Variants in QTMAN observed in about 807,000 individuals in gnomAD.
QTMAN encodes tRNA-queuosine alpha-mannosyltransferase.
At chr2:144,231,906 C>T in the QTMAN span, among the ~76,000 whole-genome samples, 12 of 146,066 alleles carry the variant, frequency 8.2e-5, no homozygotes, top group African/African-American at 2.5e-4. Flanking sequence ...TCTTTACTCG[C>T]TAATGTTAAC....
chr2:144,207,669 G>C, the QTMAN span, among the ~76,000 whole-genome samples: 68,413 of 151,770 alleles, frequency 0.45, 17,284 homozygotes, highest in East Asian at 0.7. Context: ...AACCACCATA[G>C]GATAGTCTTC....
the QTMAN span, among the ~76,000 whole-genome samples, chr2:144,257,642 T>C: frequency 1.3e-5 from 2 of 152,192 alleles, no homozygotes; most frequent in South Asian, 2.1e-4. Context: ...ATAACCCAAA[T>C]AGAAGTGCAA....
the QTMAN span, among the ~76,000 whole-genome samples, chr2:144,119,110 T>C: frequency 2.0e-5 from 3 of 152,134 alleles, no homozygotes; most frequent in East Asian, 1.9e-4. Context: ...AGATGAATAG[T>C]AGGAACTATG....
the QTMAN span, among the ~76,000 whole-genome samples, chr2:144,016,735 C>T: frequency 6.6e-6 from 1 of 152,026 alleles, no homozygotes; most frequent in Non-Finnish European, 1.5e-5. Flanking sequence ...AAGAATTCCC[C>T]TAGGACAGTG....
the QTMAN span, among the ~76,000 whole-genome samples, chr2:144,331,228 T>C: frequency 6.6e-6 from 1 of 152,230 alleles, no homozygotes. Context: ...AACGCACTAA[T>C]TAAAATTCAA....
the QTMAN span, among the ~76,000 whole-genome samples, chr2:144,213,469 TGAC>T: frequency 6.6e-6 from 1 of 152,218 alleles, no homozygotes; most frequent in African/African-American, 2.4e-5. Context: ...CTTTCATATA[TGAC>T]GTCAATTTAG....
At chr2:144,220,174 T>G in the QTMAN span, among the ~76,000 whole-genome samples, 1 of 152,198 alleles carries the variant, frequency 6.6e-6, no homozygotes, top group Non-Finnish European at 1.5e-5. Context: ...TAATGAGAGC[T>G]GTATCACTAT....
the QTMAN span, among the ~76,000 whole-genome samples, chr2:144,153,703 A>C: frequency 6.6e-6 from 1 of 152,180 alleles, no homozygotes. Flanking sequence ...AGAAAACAAA[A>C]ACAAAAACAA....
the QTMAN span, among the ~76,000 whole-genome samples, chr2:144,156,682 A>G: frequency 6.6e-6 from 1 of 152,084 alleles, no homozygotes; most frequent in Non-Finnish European, 1.5e-5. Context: ...AAACAAAAAC[A>G]TTGGTTTTCA....
chr2:143,961,122 T>A, the QTMAN span, among the ~76,000 whole-genome samples: 1 of 152,142 alleles, frequency 6.6e-6, no homozygotes, highest in East Asian at 1.9e-4. Flanking sequence ...GCAGCATATA[T>A]CTGATGGTTT....
the QTMAN span, among the ~76,000 whole-genome samples, chr2:144,271,271 C>T: frequency 1.3e-5 from 2 of 152,132 alleles, no homozygotes; most frequent in Non-Finnish European, 2.9e-5. Flanking sequence ...AACATGACAG[C>T]AGTCACAAGC....
At chr2:144,089,627 T>C in the QTMAN span, among the ~76,000 whole-genome samples, 1 of 151,958 alleles carries the variant, frequency 6.6e-6, no homozygotes, top group Non-Finnish European at 1.5e-5. Flanking sequence ...AAAGAATATG[T>C]CATTTGCAAC....
At chr2:144,269,474 T>C in the QTMAN span, among the ~76,000 whole-genome samples, 1 of 152,106 alleles carries the variant, frequency 6.6e-6, no homozygotes, top group Non-Finnish European at 1.5e-5. Context: ...CATAGTAAAA[T>C]GTTACACCAA....
At chr2:144,227,208 G>A in the QTMAN span, among the ~76,000 whole-genome samples, 4 of 151,908 alleles carry the variant, frequency 2.6e-5, no homozygotes, top group East Asian at 3.9e-4. Flanking sequence ...AATAAATTCC[G>A]ATTGCCTATT....
At chr2:143,945,133 T>C in the QTMAN span, 3 of 152,240 alleles carry the variant, frequency 2.0e-5, no homozygotes, top group African/African-American at 7.2e-5. Context: ...ATCTGGTTTA[T>C]CTCAGTAGAT....
chr2:144,289,029 C>CTTTTTTTTTTTTTTTTTTTTTT, the QTMAN span, among the ~76,000 whole-genome samples: 1 of 115,974 alleles, frequency 8.6e-6, no homozygotes, highest in African/African-American at 3.4e-5. Flanking sequence ...CAAGAAAATT[C>CTTTTTTTTTTTTTTTTTTTTTT]TTTTTTTTTT....
At chr2:144,004,555 A>C in the QTMAN span, among the ~76,000 whole-genome samples, 1 of 152,070 alleles carries the variant, frequency 6.6e-6, no homozygotes, top group Non-Finnish European at 1.5e-5. Flanking sequence ...AAATTCTCCT[A>C]AAGAAAATAT....
chr2:144,153,532 T>C, the QTMAN span, among the ~76,000 whole-genome samples: 20 of 151,680 alleles, frequency 1.3e-4, no homozygotes, highest in African/African-American at 3.9e-4. Flanking sequence ...ACACTAAAAA[T>C]ACGAAAAAAT....
chr2:144,253,749 A>C, the QTMAN span, among the ~76,000 whole-genome samples: 1 of 151,988 alleles, frequency 6.6e-6, no homozygotes, highest in Admixed American at 6.6e-5. Flanking sequence ...TTGCAGCCTA[A>C]CAATGAAGTA....
Sources: gnomAD v4.1 joint callset for allele counts (sites outside exome capture counted in the v4.1 genomes callset) on GRCh38, gnomAD v4.1.1 for gene constraint, MANE v1.5 for transcripts, NCBI Gene and HGNC (gene_info 2026-07-23, HGNC 2026-07-21) for gene names.